The following ANK3 variants were observed in gnomAD, a reference collection of about 807,000 sequenced individuals.
The protein encoded by ANK3 is ankyrin 3.
In ANK3, 57 loss-of-function variants were observed where a neutral mutation model predicts 370.9. That is an observed-to-expected ratio of 0.15 (90% CI 0.12 to 0.19). ANK3 has a LOEUF of 0.19. Among genes scored for constraint, ANK3 ranks in the 10% least tolerant of loss-of-function variants. The pLI is 1.00. For missense variants in ANK3, 4,439 were observed against 5,302.1 expected (o/e 0.84, Z 5.06); for synonymous variants, 1,929 against 1,946.3 (o/e 0.99, Z 0.23).
chr10:60,073,126 T>C lies in ANK3; in HGVS notation c.7755A>G (p.Glu2585=). The C allele has an allele frequency of 6.2e-7, 1 of 1,614,158 alleles. No homozygotes were observed. The highest frequency in any genetic ancestry group is 8.5e-7 in the Non-Finnish European group (1 of 1,180,012). The change falls in exon 37 of 44, where the codon GAA becomes GAG. Residue 2585 remains glutamate, a synonymous_variant. Coordinates refer to ENST00000280772, the MANE Select transcript of ANK3 (RefSeq NM_020987.5). The part of the protein sequence containing the change: ...DRVDRTVKEA[E]EKLTEVSQFF... ...ACTGTGACACTTCAGTCAGTTTTTC[T>C]TCAGCCTCCTTCACAGTCCTGTCCA...
Position 60,196,132 on chromosome 10 carries a change from G to C in ANK3, c.1887+13C>G. ...TACCCATCAGTCTCCTTAGGCTGTG[G>C]AATTATAGGTACCTTTGCGGCTGCG... is the stretch of plus-strand genomic sequence containing the variant. On this transcript the variant is annotated intron_variant, in intron 16 of 43. Transcript: ENST00000280772. The C allele has an allele frequency of 6.2e-7, 1 of 1,610,720 alleles. No homozygotes were observed. The highest frequency in any genetic ancestry group is 8.5e-7 in the Non-Finnish European group (1 of 1,177,048).
At chr10:60,480,399 T>C (rs933694383) in intron 2 of ANK3, among the ~76,000 whole-genome samples, 1 of 152,098 alleles carries the variant, frequency 6.6e-6, no homozygotes, top group African/African-American at 2.4e-5. Flanking sequence ...ACCTAATGAA[T>C]GAGATTACAA....
At chr10:60,119,040 C>A (rs1419267896) in intron 25 of ANK3, among the ~76,000 whole-genome samples, 1 of 152,144 alleles carries the variant, frequency 6.6e-6, no homozygotes, top group Non-Finnish European at 1.5e-5. Flanking sequence ...AAACAATGAG[C>A]TATATATTAT....
At chr10:60,264,480 T>C (rs2097850894) in intron 5 of ANK3, among the ~76,000 whole-genome samples, 2 of 151,940 alleles carry the variant, frequency 1.3e-5, no homozygotes, top group Non-Finnish European at 1.5e-5. Context: ...ACCCCGTCTC[T>C]ACTAAAAATA....
chr10:60,732,970 G>A (rs1379522937), intron 1 of ANK3, among the ~76,000 whole-genome samples: 1 of 151,750 alleles, frequency 6.6e-6, no homozygotes, highest in Non-Finnish European at 1.5e-5. Context: ...ATGTTTCCAA[G>A]CAGAAGCCCC....
chr10:60,379,142 C>G (rs747614691), intron 1 of ANK3, among the ~76,000 whole-genome samples: 4 of 151,950 alleles, frequency 2.6e-5, no homozygotes, highest in African/African-American at 9.7e-5. Flanking sequence ...CAAATCAAAA[C>G]CACAATGAGG....
At chr10:60,676,796 G>A (rs2079131596) in intron 1 of ANK3, among the ~76,000 whole-genome samples, 1 of 152,114 alleles carries the variant, frequency 6.6e-6, no homozygotes, top group African/African-American at 2.4e-5. Flanking sequence ...TCAAATATAC[G>A]GTTAGAAGGA....
chr10:60,543,300 G>A (rs1238089352), intron 2 of ANK3, among the ~76,000 whole-genome samples: 5 of 151,932 alleles, frequency 3.3e-5, no homozygotes, highest in Non-Finnish European at 7.4e-5. Context: ...CTAGATTCCT[G>A]TTTCTAGGAA....
At chr10:60,043,769 T>C (rs2076505144) in intron 42 of ANK3, 2 of 985,328 alleles carry the variant, frequency 2.0e-6, no homozygotes, top group East Asian at 1.1e-4. Flanking sequence ...GAAGCACTGC[T>C]CTGAGGTTTG....
At chr10:60,050,186 G>A (rs2077669637) in intron 42 of ANK3, among the ~76,000 whole-genome samples, 1 of 152,164 alleles carries the variant, frequency 6.6e-6, no homozygotes, top group Admixed American at 6.5e-5. Flanking sequence ...TTTATTGATA[G>A]CAGGTTAAAT....
chr10:60,534,494 T>C (rs1232159644), intron 2 of ANK3, among the ~76,000 whole-genome samples: 1 of 152,120 alleles, frequency 6.6e-6, no homozygotes, highest in Non-Finnish European at 1.5e-5. Flanking sequence ...AGGATATATA[T>C]ATTTTTTCTA....
At chr10:60,329,534 T>C (rs919871214) in intron 1 of ANK3, among the ~76,000 whole-genome samples, 13 of 152,134 alleles carry the variant, frequency 8.5e-5, no homozygotes, top group Admixed American at 2.0e-4. Flanking sequence ...CCATTCACAA[T>C]TGGTACAAAG....
At chr10:60,621,959 T>C (rs746771912) in intron 1 of ANK3, among the ~76,000 whole-genome samples, 1 of 152,114 alleles carries the variant, frequency 6.6e-6, no homozygotes, top group Non-Finnish European at 1.5e-5. Context: ...CTCAATCTAG[T>C]AGTAATCACA....
intron 1 of ANK3, among the ~76,000 whole-genome samples, chr10:60,637,491 CT>C (rs1215666014): frequency 1.3e-5 from 2 of 152,172 alleles, no homozygotes; most frequent in Non-Finnish European, 2.9e-5. Flanking sequence ...TTTGTAGTAT[CT>C]TACTACTCTC....
chr10:60,124,333 A>AT (rs1464278760), intron 25 of ANK3, among the ~76,000 whole-genome samples: 6 of 138,214 alleles, frequency 4.3e-5, no homozygotes, highest in Non-Finnish European at 6.2e-5. Flanking sequence ...AGCTGATTTT[A>AT]TTTTATTTTT....
intron 25 of ANK3, among the ~76,000 whole-genome samples, chr10:60,121,078 T>C (rs952573146): frequency 7.2e-5 from 11 of 152,030 alleles, no homozygotes; most frequent in Admixed American, 6.6e-5. Flanking sequence ...AACAGATGAA[T>C]AGAAATAGAA....
chr10:60,694,527 C>A (rs1199616295), intron 1 of ANK3, among the ~76,000 whole-genome samples: 2 of 152,044 alleles, frequency 1.3e-5, no homozygotes, highest in Admixed American at 1.3e-4. Context: ...AAGGGAAGCC[C>A]ATCAGACTAA....
At chr10:60,467,286 G>A (rs2065033085) in intron 2 of ANK3, among the ~76,000 whole-genome samples, 1 of 152,110 alleles carries the variant, frequency 6.6e-6, no homozygotes, top group Non-Finnish European at 1.5e-5. Context: ...TTTTCACGTA[G>A]CCACTGCTTA....
chr10:60,717,876 CA>C (rs1287176078), intron 1 of ANK3, among the ~76,000 whole-genome samples: 1 of 152,112 alleles, frequency 6.6e-6, no homozygotes, highest in Non-Finnish European at 1.5e-5. Flanking sequence ...GAGCAAAAAC[CA>C]ATTTATAAGG....
Sources: gnomAD v4.1 joint callset for allele counts (sites outside exome capture counted in the v4.1 genomes callset) on GRCh38, gnomAD v4.1.1 for gene constraint, MANE v1.5 for transcripts, NCBI Gene and HGNC (gene_info 2026-07-23, HGNC 2026-07-21) for gene names.